FYTTD1: variants seen among roughly 807,000 people sequenced by gnomAD.
FYTTD1 encodes the protein UAP56-interacting factor.
FYTTD1 carries 22 observed loss-of-function variants against 40.9 expected under a neutral mutation model. The ratio of observed to expected loss-of-function variants is 0.54; its 90% CI spans 0.38 to 0.77. FYTTD1 has a LOEUF of 0.77. Among genes scored for constraint, FYTTD1 ranks in the 30% least tolerant of loss-of-function variants. The probability of loss-of-function intolerance (pLI) is 0.00; values close to 1 mark genes in which losing one functional copy is unlikely to be tolerated. For missense variants in FYTTD1, 351 were observed against 392.2 expected, an observed-to-expected ratio of 0.90 and a Z score of 0.89; for synonymous variants, 140 against 137.9, an observed-to-expected ratio of 1.01 and a Z score of -0.10.
chr3:197,783,877 G>A lies in FYTTD1; in HGVS notation c.*1968G>A, dbSNP rs1416458837. The A allele has an allele frequency of 2.0e-5, 3 of 152,502 alleles. No homozygotes were observed. Among genetic ancestry groups the A allele is most frequent in the Admixed American group, 2.0e-4 (3 of 15,266 alleles). The allele number at this position is 152,502 out of a possible 1,614,324, so 9.4% of individuals were successfully genotyped here. ...AAATTGCCCCAAATACTGACATTGA[G>A]TGCATTAAATAACAAATTATCTTTG... On this transcript the variant is annotated 3_prime_UTR_variant, in exon 9 of 9. Coordinates refer to ENST00000241502, the MANE Select transcript of FYTTD1 (RefSeq NM_032288.7).
At chr3:197,772,623 A>G (rs1729752133) in intron 4 of FYTTD1, among the ~76,000 whole-genome samples, 2 of 152,220 alleles carry the variant, frequency 1.3e-5, no homozygotes, top group Middle Eastern at 3.4e-3. Flanking sequence ...TGTGGTTTGT[A>G]TATTTTTTGA....
At chr3:197,749,591 G>A, upstream of FYTTD1, 2 of 1,228,140 alleles carry the variant, frequency 1.6e-6, no homozygotes, top group Non-Finnish European at 2.2e-6. Context: ...GGACCTGTCT[G>A]CAGCAGGAGG....
rs962343391 is a variant in FYTTD1, at chr3:197,773,646, T to G, written c.594+147T>G. 5 of 566,268 alleles carry G rather than the reference T, an allele frequency of 8.8e-6. No homozygotes were observed. The Admixed American group carries it at 1.4e-4, about 15-fold the overall frequency. The allele number at this position is 566,268 out of a possible 1,614,324, so 35.1% of individuals were successfully genotyped here. On this transcript the variant is annotated intron_variant, in intron 5 of 8. Transcript: ENST00000241502. ...GTGGTAGTAGATTAGTTCTTCCTGT[T>G]GTATGTTTTTTATTTCCCATCTTTT...
intron 3 of FYTTD1, among the ~76,000 whole-genome samples, 180 bp from the exon 4 acceptor site, chr3:197,769,952 G>T (rs1365591280): frequency 1.3e-5 from 2 of 152,076 alleles, no homozygotes; most frequent in Non-Finnish European, 2.9e-5. Context: ...ATATAATGTG[G>T]GGTTTTCATC....
At chr3:197,779,618 C>T (rs1239404384) in intron 8 of FYTTD1, among the ~76,000 whole-genome samples, 1 of 139,772 alleles carries the variant, frequency 7.2e-6, no homozygotes, top group African/African-American at 2.6e-5. Flanking sequence ...GTAGCTTTGA[C>T]CTCCCAGACT....
At chr3:197,753,063 T>C (rs1474892102) in intron 1 of FYTTD1, among the ~76,000 whole-genome samples, 2 of 152,190 alleles carry the variant, frequency 1.3e-5, no homozygotes, top group Admixed American at 6.5e-5. Context: ...CAGCTTGATA[T>C]CTTTCTTTCC....
At chr3:197,750,248 G>A in intron 1 of FYTTD1, 174 bp downstream of exon 1, 2 of 862,006 alleles carry the variant, frequency 2.3e-6, no homozygotes, top group Non-Finnish European at 3.2e-6. Context: ...CTCGACGCCA[G>A]GTGCCCGGCT....
chr3:197,766,059 A>G (rs1428062560), intron 2 of FYTTD1, among the ~76,000 whole-genome samples: 2 of 151,460 alleles, frequency 1.3e-5, no homozygotes, highest in South Asian at 2.1e-4. Context: ...GCTACTCGGG[A>G]GGCTGAGGCA....
chr3:197,756,417 C>T lies in FYTTD1; in HGVS notation c.104-9C>T, dbSNP rs191491925. 5.0e-5 allele frequency: 79 copies of T among 1,592,734 alleles called. 1 individual carries two copies. In the East Asian group the frequency reaches 1.0e-3, roughly 21 times the overall value. On this transcript the variant is annotated splice_polypyrimidine_tract_variant and intron_variant, in intron 1 of 8. Transcript: ENST00000241502. The stretch of plus-strand genomic sequence containing the variant: ...AAAATGAAAATAATTGACATTTCCT[C>T]TATCATAGATGATATCATCAAGTTG...
intron 2 of FYTTD1, among the ~76,000 whole-genome samples, chr3:197,760,108 C>T (rs1230239015): frequency 6.7e-6 from 1 of 148,704 alleles, no homozygotes; most frequent in Admixed American, 6.7e-5. Context: ...AGTGGTAGAA[C>T]GTATAGAATG....
intron 2 of FYTTD1, among the ~76,000 whole-genome samples, chr3:197,761,299 G>A (rs34078008): frequency 3.4e-5 from 5 of 146,912 alleles, no homozygotes; most frequent in Non-Finnish European, 6.0e-5. Context: ...CCTCAGTGGT[G>A]GAATGTATAG....
chr3:197,766,460 T>TGTGTGTGTGTGTGTGTGTG (rs56732488), intron 2 of FYTTD1, among the ~76,000 whole-genome samples: 36 of 150,694 alleles, frequency 2.4e-4, no homozygotes, highest in Admixed American at 3.3e-4. Flanking sequence ...TGTGTGTGTG[T>TGTGTGTGTGTGTGTGTGTG]TTGAGACAGG....
intron 1 of FYTTD1, among the ~76,000 whole-genome samples, chr3:197,752,249 C>G (rs1729081238): frequency 6.6e-6 from 1 of 152,216 alleles, no homozygotes; most frequent in South Asian, 2.1e-4. Flanking sequence ...GAATCCAGAT[C>G]CACACTGTCT....
chr3:197,752,337 A>G (rs1729084104), intron 1 of FYTTD1, among the ~76,000 whole-genome samples: 1 of 152,216 alleles, frequency 6.6e-6, no homozygotes, highest in South Asian at 2.1e-4. Flanking sequence ...ATCTGTAGAA[A>G]GGTGACAGTA....
intron 4 of FYTTD1, among the ~76,000 whole-genome samples, chr3:197,772,300 A>G (rs1729743794): frequency 6.6e-6 from 1 of 152,208 alleles, no homozygotes; most frequent in South Asian, 2.1e-4. Context: ...AGACTAGGGA[A>G]TCTGTTAAAC....
intron 6 of FYTTD1, among the ~76,000 whole-genome samples, chr3:197,776,542 T>C (rs1331272960): frequency 6.6e-6 from 1 of 151,730 alleles, no homozygotes; most frequent in Admixed American, 6.6e-5. Flanking sequence ...TTTTTTTTAC[T>C]ATGTAAGCAT....
intron 2 of FYTTD1, among the ~76,000 whole-genome samples, chr3:197,762,877 C>T (rs1214838923): frequency 1.3e-4 from 19 of 149,740 alleles, no homozygotes; most frequent in South Asian, 2.1e-4. Flanking sequence ...AGTGAGACTC[C>T]GTCTCCAAAA....
intron 8 of FYTTD1, 78 bp downstream of exon 8, chr3:197,778,542 A>G: frequency 9.8e-7 from 1 of 1,018,474 alleles, no homozygotes; most frequent in Non-Finnish European, 1.4e-6. Context: ...ATAATAGTGA[A>G]TTATAAACAA....
chr3:197,775,272 C>T (rs1729844613), intron 6 of FYTTD1, among the ~76,000 whole-genome samples: 1 of 152,170 alleles, frequency 6.6e-6, no homozygotes, highest in African/African-American at 2.4e-5. Context: ...TATAATCACA[C>T]CTCCTAAGTG....
Sources: allele counts gnomAD v4.1 joint callset (sites outside exome capture counted in the v4.1 genomes callset), GRCh38; gene constraint gnomAD v4.1.1; transcripts MANE v1.5; gene names NCBI Gene and HGNC (gene_info 2026-07-23, HGNC 2026-07-21).